Variants in VPS8 observed in about 807,000 individuals in gnomAD.
VPS8 encodes vacuolar protein sorting-associated protein 8 homolog.
In VPS8, 129 loss-of-function variants were observed where a neutral mutation model predicts 216.4. The ratio of observed to expected loss-of-function variants is 0.60; its 90% CI spans 0.52 to 0.69. The LOEUF (loss-of-function observed/expected upper bound fraction) is 0.69, where lower values mean the gene tolerates loss of function less well. Ranked by LOEUF, VPS8 falls within the 30% of genes least tolerant of loss-of-function variation. The pLI is 0.00. For synonymous variants in VPS8, 571 were observed against 565.4 expected (o/e 1.01, Z -0.14); for missense variants, 1,531 against 1,683.5 (o/e 0.91, Z 1.59).
In VPS8 at chr3:184,996,467, C is replaced by T. The variant is rs200270246; in HGVS notation, c.3802C>T (p.Arg1268Cys). The change falls in exon 44 of 48, where the codon CGC becomes TGC. Residue 1268 changes from arginine to cysteine, a missense_variant. Arg to Cys is a radical substitution (Grantham distance 180). Around this residue, in one of 3 missense-constraint regions of VPS8, gnomAD observed 1,318 missense variants for 1,468.4 expected, o/e 0.90. Coordinates refer to ENST00000625842, the MANE Select transcript of VPS8 (RefSeq NM_001009921.3). ...CSICLQQYKR[R>C]QEMADEIIVF... The stretch of plus-strand genomic sequence containing the variant: ...TATATGTTTGCAGCAGTACAAGAGA[C>T]GCCAAGAAATGGCTGATGAAATAAT... The T allele has an allele frequency of 8.9e-5, 143 of 1,606,254 alleles. No homozygotes were observed. Among genetic ancestry groups the T allele is most frequent in the South Asian group, 8.3e-4 (75 of 90,016 alleles).
chr3:184,987,431 C>G (rs1751278044), intron 42 of VPS8, among the ~76,000 whole-genome samples: 1 of 150,660 alleles, frequency 6.6e-6, no homozygotes, highest in Non-Finnish European at 1.5e-5. Flanking sequence ...TTTTTTTTAA[C>G]TGTCCCTATA....
chr3:184,997,479 T>C (rs1281732760), intron 44 of VPS8, among the ~76,000 whole-genome samples: 1 of 152,236 alleles, frequency 6.6e-6, no homozygotes, highest in Non-Finnish European at 1.5e-5. Context: ...GTAGACTTGA[T>C]GGTTGGAAGG....
At chr3:184,895,734 A>G (rs1008334662) in intron 23 of VPS8, among the ~76,000 whole-genome samples, 5 of 138,370 alleles carry the variant, frequency 3.6e-5, no homozygotes, top group African/African-American at 1.4e-4. Context: ...CCTGGGTTGA[A>G]GCGATTCTTG....
intron 45 of VPS8, among the ~76,000 whole-genome samples, chr3:185,011,360 G>A (rs1402649683): frequency 6.6e-6 from 1 of 152,232 alleles, no homozygotes; most frequent in Non-Finnish European, 1.5e-5. Context: ...TTGCCATGGA[G>A]TATTGGAGAA....
At chr3:184,977,377 T>A (rs1014364742) in intron 40 of VPS8, among the ~76,000 whole-genome samples, 9 of 152,198 alleles carry the variant, frequency 5.9e-5, no homozygotes, top group African/African-American at 2.2e-4. Context: ...ATGCATAGTT[T>A]GTGAATATTT....
chr3:184,915,080 AC>A, intron 27 of VPS8, 27 bp downstream of exon 27: 1 of 1,609,242 alleles, frequency 6.2e-7, no homozygotes, highest in Non-Finnish European at 8.5e-7. Flanking sequence ...TAGCCTTTTG[AC>A]TGTTCTCCGT....
chr3:184,893,337 T>A, intron 22 of VPS8: 1 of 1,271,554 alleles, frequency 7.9e-7, no homozygotes, highest in Non-Finnish European at 1.0e-6. Context: ...AATAAACCAT[T>A]TACCACTTTC....
intron 22 of VPS8, among the ~76,000 whole-genome samples, chr3:184,891,522 T>C (rs1453090760): frequency 6.6e-6 from 1 of 152,186 alleles, no homozygotes; most frequent in African/African-American, 2.4e-5. Flanking sequence ...TTATAATAGC[T>C]ATATTGAGAT....
At chr3:185,000,054 A>G (rs1753190652) in intron 45 of VPS8, among the ~76,000 whole-genome samples, 193 bp downstream of exon 45, 1 of 152,194 alleles carries the variant, frequency 6.6e-6, no homozygotes. Flanking sequence ...AAAAACATGA[A>G]TTTGAGAGCA....
At chr3:184,929,726 A>G in intron 33 of VPS8, 62 bp downstream of exon 33, 1 of 979,408 alleles carries the variant, frequency 1.0e-6, no homozygotes, top group Non-Finnish European at 1.4e-6. Context: ...TTGAGTACAA[A>G]TAACTGTTGA....
rs140937820 is a variant in VPS8 at position 184,926,091 on chromosome 3, C to T, written c.2575-503C>T. Among the ~76,000 whole-genome samples, 966 of 148,742 alleles carry T rather than the reference C, an allele frequency of 6.5e-3. 5 individuals are homozygous for T. The highest frequency in any genetic ancestry group is 0.01 in the Non-Finnish European group (691 of 67,108). On this transcript the variant is annotated intron_variant, in intron 30 of 47. Coordinates refer to ENST00000625842, the MANE Select transcript of VPS8 (RefSeq NM_001009921.3). ...CGCCTAGCCTCTTAGAGTTATGTTG[C>T]CAGGCCGGATGCGATGGCTCACGCC...
chr3:184,975,100 A>C (rs1438002244), intron 40 of VPS8, among the ~76,000 whole-genome samples: 1 of 151,954 alleles, frequency 6.6e-6, no homozygotes, highest in Admixed American at 6.6e-5. Flanking sequence ...GAAAAATGTT[A>C]CTGGTATTTT....
intron 40 of VPS8, among the ~76,000 whole-genome samples, chr3:184,981,063 G>C (rs1750117553): frequency 6.6e-6 from 1 of 152,200 alleles, no homozygotes; most frequent in African/African-American, 2.4e-5. Flanking sequence ...ATTTCCGGAA[G>C]ATTTCAGGGG....
chr3:184,938,165 T>C (rs1461587670), intron 35 of VPS8, among the ~76,000 whole-genome samples: 3 of 152,056 alleles, frequency 2.0e-5, no homozygotes, highest in Non-Finnish European at 4.4e-5. Flanking sequence ...AAGTAAAATG[T>C]ATAGGATCTG....
intron 45 of VPS8, among the ~76,000 whole-genome samples, chr3:185,021,970 C>A (rs78381791): frequency 0.032 from 4,820 of 152,098 alleles, 122 homozygotes; most frequent in East Asian, 0.1. Context: ...TTATATTTTG[C>A]CCTTGATATG....
chr3:184,878,376 C>G (rs1424482957), intron 21 of VPS8, among the ~76,000 whole-genome samples: 1 of 151,988 alleles, frequency 6.6e-6, no homozygotes. Context: ...CCTAAAGTGC[C>G]GGGATTACAG....
chr3:184,941,906 T>TAA (rs1272299685), intron 36 of VPS8, among the ~76,000 whole-genome samples: 99 of 147,114 alleles, frequency 6.7e-4, no homozygotes, highest in African/African-American at 2.3e-3. Flanking sequence ...TTTTTTTATT[T>TAA]AAAAAAAAAA....
chr3:185,002,988 T>C (rs1425676347), intron 45 of VPS8, among the ~76,000 whole-genome samples: 1 of 152,234 alleles, frequency 6.6e-6, no homozygotes, highest in African/African-American at 2.4e-5. Context: ...CTGCATCCAA[T>C]GGTAGTTCTA....
At chr3:184,814,654 A>G (rs545878213) in intron 1 of VPS8, among the ~76,000 whole-genome samples, 55 of 152,336 alleles carry the variant, frequency 3.6e-4, no homozygotes, top group African/African-American at 1.3e-3. Context: ...TGTGTGGGGC[A>G]CTTACCATGG....
Sources: gnomAD v4.1 joint callset for allele counts (sites outside exome capture counted in the v4.1 genomes callset) on GRCh38, gnomAD v4.1.1 for gene constraint, gnomAD v4.1.1 regional missense constraint, MANE v1.5 for transcripts, NCBI Gene and HGNC (gene_info 2026-07-23, HGNC 2026-07-21) for gene names.